CNTD1: variants seen among roughly 807,000 people sequenced by gnomAD.
CNTD1 encodes cyclin N-terminal domain-containing protein 1.
In CNTD1, 17 loss-of-function variants were observed where a neutral mutation model predicts 36.3. The observed-to-expected ratio is 0.47, with a 90% CI of 0.32 to 0.70. The LOEUF (loss-of-function observed/expected upper bound fraction) is 0.70, where lower values mean the gene tolerates loss of function less well. CNTD1 is among the 30% of genes least tolerant of loss of function. The pLI is 0.03. For synonymous variants in CNTD1, 128 were observed against 153.3 expected (o/e 0.83, Z 1.22); for missense variants, 338 against 386.1 (o/e 0.88, Z 1.04).
Position 42,799,297 on chromosome 17 carries a change from A to G in CNTD1, c.169+61A>G. ...AGACTGGGGCTTGTGTCTTTCAGGC[A>G]CCGACCTTGAGATTCCGTTGATTTT... On this transcript the variant is annotated intron_variant, in intron 1 of 6. Coordinates refer to ENST00000588408, the MANE Select transcript of CNTD1 (RefSeq NM_173478.3). The G allele has an allele frequency of 2.0e-6, 3 of 1,514,818 alleles. No homozygotes were observed. In the East Asian group the frequency reaches 7.1e-5, roughly 36 times the overall value. 93.8% of individuals were successfully genotyped at this position (1,514,818 alleles called of 1,614,324 possible).
At chr17:42,809,293 T>C in intron 6 of CNTD1, 72 bp from the exon 7 acceptor site, 1 of 1,357,566 alleles carries the variant, frequency 7.4e-7, no homozygotes, top group Non-Finnish European at 1.0e-6. Flanking sequence ...ACATCCCAAG[T>C]AATGTGTGTG....
chr17:42,801,764 G>A (rs1232072967), intron 1 of CNTD1, among the ~76,000 whole-genome samples: 1 of 151,752 alleles, frequency 6.6e-6, no homozygotes, highest in Non-Finnish European at 1.5e-5. Flanking sequence ...CTCCTAGAAG[G>A]AGAAAAGAAA....
chr17:42,811,545 A>AT lies in CNTD1; in HGVS notation c.*2017dup, dbSNP rs2055005742. ...CATCAATGTCATGTGATTCTGTGCC[A>AT]TTTTTTTGCTTTCCCACCATTTATA... On this transcript the variant is annotated 3_prime_UTR_variant, in exon 7 of 7. Transcript: ENST00000588408. 10 of 1,430,644 alleles carry AT rather than the reference A, an allele frequency of 7.0e-6. No homozygotes were observed. The highest frequency in any genetic ancestry group is 2.3e-5 in the East Asian group (1 of 43,166). 88.6% of individuals were successfully genotyped at this position (1,430,644 alleles called of 1,614,324 possible).
In CNTD1 at chr17:42,811,315, A is replaced by G; in HGVS notation, c.*1780A>G. ...ACTCTAAGTAAAAACTAGAGTTTCC[A>G]TCCATCAATGGGATCCTAGAAAAAT... is the stretch of plus-strand genomic sequence containing the variant. On this transcript the variant is annotated 3_prime_UTR_variant, in exon 7 of 7. Transcript: ENST00000588408. 3.5e-6 allele frequency: 1 copy of G among 283,794 alleles called. No homozygotes were observed. Among genetic ancestry groups the G allele is most frequent in the Non-Finnish European group, 6.5e-6 (1 of 154,492 alleles). 17.6% of individuals were successfully genotyped at this position (283,794 alleles called of 1,614,324 possible). A position where few individuals can be genotyped will look rare whatever the true frequency, so the allele number is the denominator to read the frequency against.
At chr17:42,807,057 C>G (rs994008583) in intron 5 of CNTD1, among the ~76,000 whole-genome samples, 1 of 152,158 alleles carries the variant, frequency 6.6e-6, no homozygotes, top group African/African-American at 2.4e-5. Context: ...TATTTCCTTT[C>G]CTAGTTTTTC....
intron 1 of CNTD1, among the ~76,000 whole-genome samples, chr17:42,801,054 A>G (rs2054771714): frequency 6.6e-6 from 1 of 151,984 alleles, no homozygotes; most frequent in Admixed American, 6.6e-5. Context: ...GCATGGTGGC[A>G]GGCACCTGTA....
At position 42,799,251 on chromosome 17, in the gene CNTD1, C is replaced by A; in HGVS notation, c.169+15C>A. On this transcript the variant is annotated intron_variant, in intron 1 of 6. Coordinates refer to ENST00000588408, the MANE Select transcript of CNTD1 (RefSeq NM_173478.3). Reference sequence around the variant, plus strand: ...CCAGATCGTGGGTGCGGCTGCAGGGCCGGGGTGCTGGGTTCTTGGGAGACT... The same window carrying A: ...CCAGATCGTGGGTGCGGCTGCAGGGACGGGGTGCTGGGTTCTTGGGAGACT... The A allele has an allele frequency of 3.7e-6, 6 of 1,609,414 alleles. No individual in the cohort carries two copies. The highest frequency in any genetic ancestry group is 5.1e-6 in the Non-Finnish European group (6 of 1,178,364).
At position 42,805,859 on chromosome 17, in the gene CNTD1, T is replaced by C. The variant is rs573935690; in HGVS notation, c.555T>C (p.Tyr185=). 9.9e-6 allele frequency: 16 copies of C among 1,613,500 alleles called. No homozygotes were observed. Among genetic ancestry groups the C allele is most frequent in the Middle Eastern group, 1.7e-4 (1 of 6,058 alleles). ...FRINLPTPLA[Y]VETLLEVLGY... is the part of the protein sequence containing the mutation. ...TTAATCTGCCCACTCCCCTGGCATA[T>C]GTGGAGACGCTCCTAGAGGTTTTAG... The change falls in exon 4 of 7, where the codon TAT becomes TAC. Residue 185 remains tyrosine (Y), a synonymous_variant. Transcript: ENST00000588408.
intron 2 of CNTD1, 116 bp downstream of exon 2, chr17:42,803,811 C>T (rs1041516338): frequency 1.3e-6 from 1 of 753,288 alleles, no homozygotes; most frequent in Non-Finnish European, 2.3e-6. Flanking sequence ...TTTACACCCT[C>T]TCTAACTTGC....
In CNTD1 at chr17:42,809,576, T is replaced by C. The variant is rs1213902070; in HGVS notation, c.*41T>C. The C allele has an allele frequency of 1.3e-6, 2 of 1,561,890 alleles. No individual in the cohort carries two copies. Among genetic ancestry groups the C allele is most frequent in the African/African-American group, 2.7e-5 (2 of 73,940 alleles). ...CCAAATATAAACAGCCATCCGTCAC[T>C]GCACTCATGCCTCCCTCTGTTTACT... On this transcript the variant is annotated 3_prime_UTR_variant, in exon 7 of 7. Transcript: ENST00000588408.
At position 42,804,225 on chromosome 17, in the gene CNTD1, G is replaced by C. The variant is rs745835473; in HGVS notation, c.246G>C (p.Arg82Ser). ...TTTACTCTCCCTCCCTTCCCTACAGGTTTATGGTAAAACAGGCAGAGAACA... is the reference window on the plus strand; with the variant it reads ...TTTACTCTCCCTCCCTTCCCTACAGCTTTATGGTAAAACAGGCAGAGAACA... ...VSYQAVEILE[R>S]FMVKQAENIC... The change falls in exon 3 of 7, where the codon AGG becomes AGC. Residue 82 changes from arginine (R) to serine (S), a missense_variant and splice_region_variant. Arg to Ser is a moderately radical substitution (Grantham distance 110). Coordinates refer to ENST00000588408, the MANE Select transcript of CNTD1 (RefSeq NM_173478.3). The C allele has an allele frequency of 3.1e-6, 5 of 1,613,212 alleles. No homozygotes were observed. Among genetic ancestry groups the C allele is most frequent in the Non-Finnish European group, 4.2e-6 (5 of 1,179,468 alleles).
Position 42,809,556 on chromosome 17 carries a change from T to C in CNTD1, c.*21T>C. On this transcript the variant is annotated 3_prime_UTR_variant, in exon 7 of 7. Transcript: ENST00000588408. ...CATGAGGGAGGCTGAATCCACCAAATATAAACAGCCATCCGTCACTGCACT... is the reference window on the plus strand; with the variant it reads ...CATGAGGGAGGCTGAATCCACCAAACATAAACAGCCATCCGTCACTGCACT... The C allele has an allele frequency of 6.2e-7, 1 of 1,611,022 alleles. No individual in the cohort carries two copies. The highest frequency in any genetic ancestry group is 8.5e-7 in the Non-Finnish European group (1 of 1,177,532).
rs1567660315 is a variant in CNTD1, at chr17:42,801,547, AATATATGTG to A, written c.170-2072_170-2064del. ...TATATATATATATATATATATATAT[AATATATGTG>A]TGTGTGTGTGTGTGTGTGTGTGTGT... is the stretch of plus-strand genomic sequence containing the variant. On this transcript the variant is annotated intron_variant, in intron 1 of 6. Coordinates refer to ENST00000588408, the MANE Select transcript of CNTD1 (RefSeq NM_173478.3). Among the ~76,000 whole-genome samples the A allele has an allele frequency of 3.9e-4, 22 of 55,906 alleles. No homozygotes were observed. The East Asian group carries it at 5.0e-3, about 13-fold the overall frequency. 36.7% of individuals were successfully genotyped at this position (55,906 alleles called of 152,430 possible).
chr17:42,806,002 T>A (rs1330535835), intron 4 of CNTD1, 118 bp downstream of exon 4: 2 of 926,518 alleles, frequency 2.2e-6, no homozygotes, highest in Non-Finnish European at 3.1e-6. Context: ...CTGAGGTAGG[T>A]GGATCACTTG....
chr17:42,810,701 G>T lies in CNTD1; in HGVS notation c.*1166G>T. The T allele has an allele frequency of 6.7e-7, 1 of 1,496,298 alleles. No homozygotes were observed. The highest frequency in any genetic ancestry group is 9.0e-7 in the Non-Finnish European group (1 of 1,110,582). 92.7% of individuals were successfully genotyped at this position (1,496,298 alleles called of 1,614,324 possible). A position where few individuals can be genotyped will look rare whatever the true frequency, so the allele number is the denominator to read the frequency against. On this transcript the variant is annotated 3_prime_UTR_variant, in exon 7 of 7. Transcript: ENST00000588408. Reference sequence around the variant, plus strand: ...ATTACCCGAATTTAATTTAAAACATGTTTGCAAACAAAACAAAATTAAAAG... The same window carrying T: ...ATTACCCGAATTTAATTTAAAACATTTTTGCAAACAAAACAAAATTAAAAG...
Position 42,811,281 on chromosome 17 carries a change from A to C in CNTD1, c.*1746A>C, listed in dbSNP as rs1338644349. ...AAATGCTTTGTTTTGGGGTGATAGA[A>C]GCAGCCTTACTCTAAGTAAAAACTA... is the stretch of plus-strand genomic sequence containing the variant. On this transcript the variant is annotated 3_prime_UTR_variant, in exon 7 of 7. Coordinates refer to ENST00000588408, the MANE Select transcript of CNTD1 (RefSeq NM_173478.3). 3.6e-6 allele frequency: 1 copy of C among 279,056 alleles called. No individual in the cohort carries two copies. Among genetic ancestry groups the C allele is most frequent in the African/African-American group, 2.2e-5 (1 of 45,832 alleles). 17.3% of individuals were successfully genotyped at this position (279,056 alleles called of 1,614,324 possible). A position where few individuals can be genotyped will look rare whatever the true frequency, so the allele number is the denominator to read the frequency against.
chr17:42,806,151 C>G (rs2054875303), intron 4 of CNTD1, among the ~76,000 whole-genome samples: 1 of 151,740 alleles, frequency 6.6e-6, no homozygotes, highest in African/African-American at 2.4e-5. Flanking sequence ...TTGCTTGAAC[C>G]TGGAAGGTGT....
chr17:42,799,275 C>G, intron 1 of CNTD1, 39 bp downstream of exon 1: 1 of 1,581,774 alleles, frequency 6.3e-7, no homozygotes, highest in African/African-American at 1.4e-5. Context: ...TCTTGGGAGA[C>G]TGGGGCTTGT....
chr17:42,801,510 A>AAAAAT (rs1289580717), intron 1 of CNTD1, among the ~76,000 whole-genome samples: 30 of 54,350 alleles, frequency 5.5e-4, no homozygotes, highest in Non-Finnish European at 8.3e-4. Flanking sequence ...AAAAAAAAAA[A>AAAAAT]ATATATATAT....
Sources: allele counts gnomAD v4.1 joint callset (sites outside exome capture counted in the v4.1 genomes callset), GRCh38; gene constraint gnomAD v4.1.1; transcripts MANE v1.5; gene names NCBI Gene and HGNC (gene_info 2026-07-23, HGNC 2026-07-21).